Variants in CYSTM1 observed in about 807,000 individuals in gnomAD.
CYSTM1 encodes the protein cysteine-rich transmembrane module-containing protein 1.
CYSTM1 carries 4 observed loss-of-function variants against 13.1 expected under a neutral mutation model. That is an observed-to-expected ratio of 0.31 (90% CI 0.15 to 0.70). The LOEUF (loss-of-function observed/expected upper bound fraction) is 0.70, where lower values mean the gene tolerates loss of function less well. Among genes scored for constraint, CYSTM1 ranks in the 30% least tolerant of loss-of-function variants. The pLI, the probability that CYSTM1 is intolerant of heterozygous loss-of-function variation, is 0.72. For synonymous variants in CYSTM1, 36 were observed against 42.7 expected (o/e 0.84, Z 0.62); for missense variants, 96 against 121.6 (o/e 0.79, Z 0.99).
chr5:140,229,145 A>G (rs1417265823), intron 2 of CYSTM1, among the ~76,000 whole-genome samples: 1 of 152,102 alleles, frequency 6.6e-6, no homozygotes, highest in Non-Finnish European at 1.5e-5. Flanking sequence ...TATATATTCT[A>G]TCCACTAATA....
intron 2 of CYSTM1, among the ~76,000 whole-genome samples, chr5:140,199,911 A>G (rs903761078): frequency 1.3e-5 from 2 of 152,244 alleles, no homozygotes; most frequent in African/African-American, 4.8e-5. Context: ...TTGGACGCAT[A>G]AATGTCTTCT....
intron 1 of CYSTM1, among the ~76,000 whole-genome samples, chr5:140,188,762 G>C (rs1219862627): frequency 2.9e-4 from 39 of 132,534 alleles, no homozygotes; most frequent in African/African-American, 1.1e-3. Flanking sequence ...CTGGGTGGAA[G>C]AGCGAGACTC....
intron 2 of CYSTM1, among the ~76,000 whole-genome samples, chr5:140,229,678 T>A (rs887400929): frequency 8.5e-5 from 13 of 152,124 alleles, no homozygotes; most frequent in African/African-American, 2.7e-4. Flanking sequence ...CTGATTTATT[T>A]ATTTATCTAT....
At chr5:140,189,047 G>C (rs1047846127) in intron 1 of CYSTM1, among the ~76,000 whole-genome samples, 30 of 152,118 alleles carry the variant, frequency 2.0e-4, no homozygotes, top group African/African-American at 6.5e-4. Flanking sequence ...AATTTGTTTT[G>C]GTATCTTTCT....
chr5:140,226,613 A>ATATATAT (rs61099181), intron 2 of CYSTM1, among the ~76,000 whole-genome samples: 977 of 85,076 alleles, frequency 0.011, 17 homozygotes, highest in South Asian at 0.016. Flanking sequence ...TATATATATA[A>ATATATAT]AAATTAGCCA....
chr5:140,223,607 C>T (rs956418841), intron 2 of CYSTM1, among the ~76,000 whole-genome samples: 1 of 152,176 alleles, frequency 6.6e-6, no homozygotes, highest in African/African-American at 2.4e-5. Context: ...AGGACAAAGG[C>T]GGGAGTTTGC....
chr5:140,204,359 C>A (rs1764271246), intron 2 of CYSTM1, among the ~76,000 whole-genome samples: 1 of 152,140 alleles, frequency 6.6e-6, no homozygotes, highest in African/African-American at 2.4e-5. Flanking sequence ...TGCGACAGAG[C>A]AAGACCCTGT....
intron 2 of CYSTM1, among the ~76,000 whole-genome samples, chr5:140,199,417 C>T (rs1581062580): frequency 1.3e-5 from 2 of 152,178 alleles, no homozygotes; most frequent in East Asian, 3.9e-4. Flanking sequence ...ATTTACGCTC[C>T]CACCAGCAGT....
At chr5:140,240,859 C>T (rs74630673) in intron 2 of CYSTM1, among the ~76,000 whole-genome samples, 392 of 152,292 alleles carry the variant, frequency 2.6e-3, no homozygotes, top group African/African-American at 8.9e-3. Context: ...TCCAGACCCA[C>T]GCTACTCCCC....
chr5:140,197,357 C>T (rs1192380039), intron 2 of CYSTM1, among the ~76,000 whole-genome samples: 1 of 152,188 alleles, frequency 6.6e-6, no homozygotes, highest in Admixed American at 6.6e-5. Context: ...TTCAGTGTTA[C>T]CAATCACGAT....
intron 2 of CYSTM1, among the ~76,000 whole-genome samples, chr5:140,207,312 A>G (rs1170907100): frequency 6.6e-6 from 1 of 152,124 alleles, no homozygotes; most frequent in Non-Finnish European, 1.5e-5. Flanking sequence ...AACATCAGCT[A>G]TCTCGAGGGC....
At position 140,198,645 on chromosome 5, in the gene CYSTM1, T is replaced by G. The variant is rs969292976; in HGVS notation, c.187+3993T>G. ...AAACAAGTCTCAAGGCCAGTCACTT[T>G]CAACAGGAGGGGGAACAGATATCAC... is the stretch of plus-strand genomic sequence containing the variant. On this transcript the variant is annotated intron_variant, in intron 2 of 2. Transcript: ENST00000261811. Among the ~76,000 whole-genome samples, 6 of 152,240 alleles carry G rather than the reference T, an allele frequency of 3.9e-5. No homozygotes were observed. The East Asian group carries it at 1.2e-3, about 29-fold the overall frequency.
intron 1 of CYSTM1, among the ~76,000 whole-genome samples, chr5:140,177,614 C>G (rs192402591): frequency 6.6e-6 from 1 of 152,154 alleles, no homozygotes; most frequent in Non-Finnish European, 1.5e-5. Flanking sequence ...AGGGTGAGAC[C>G]TGGGGAAACG....
intron 2 of CYSTM1, among the ~76,000 whole-genome samples, chr5:140,216,816 C>T (rs1272206483): frequency 6.6e-6 from 1 of 152,036 alleles, no homozygotes; most frequent in East Asian, 1.9e-4. Context: ...GTAGCATACT[C>T]CTAAGGTTGC....
intron 2 of CYSTM1, among the ~76,000 whole-genome samples, chr5:140,232,754 G>T (rs1257505649): frequency 6.6e-6 from 1 of 152,196 alleles, no homozygotes; most frequent in African/African-American, 2.4e-5. Context: ...CAGGTGCAAA[G>T]AACTAGCTGA....
At chr5:140,224,056 G>GT (rs1764521043) in intron 2 of CYSTM1, among the ~76,000 whole-genome samples, 1 of 152,194 alleles carries the variant, frequency 6.6e-6, no homozygotes, top group South Asian at 2.1e-4. Flanking sequence ...ATCCCTGTAC[G>GT]TACTCTCCAG....
At chr5:140,186,039 C>T (rs1419578828) in intron 1 of CYSTM1, among the ~76,000 whole-genome samples, 2 of 152,144 alleles carry the variant, frequency 1.3e-5, no homozygotes, top group Non-Finnish European at 2.9e-5. Flanking sequence ...TGGAAAACTT[C>T]CAGCATATTC....
At chr5:140,179,849 G>T (rs1229996616) in intron 1 of CYSTM1, among the ~76,000 whole-genome samples, 1 of 151,934 alleles carries the variant, frequency 6.6e-6, no homozygotes, top group East Asian at 2.0e-4. Context: ...TTTTAGTAGA[G>T]ACGGGGTTTC....
intron 2 of CYSTM1, among the ~76,000 whole-genome samples, chr5:140,204,199 C>G (rs971967904): frequency 6.6e-6 from 1 of 152,068 alleles, no homozygotes; most frequent in African/African-American, 2.4e-5. Context: ...AGACACCACA[C>G]ATCTCTACAA....
Sources: gnomAD v4.1 joint callset for allele counts (sites outside exome capture counted in the v4.1 genomes callset) on GRCh38, gnomAD v4.1.1 for gene constraint, MANE v1.5 for transcripts, NCBI Gene and HGNC (gene_info 2026-07-23, HGNC 2026-07-21) for gene names.